Variants in MTMR6 observed in about 807,000 individuals in gnomAD.
MTMR6 encodes myotubularin related protein 6.
A neutral mutation model predicts 80.1 loss-of-function variants in MTMR6; 47 were observed. The observed-to-expected ratio is 0.59, with a 90% CI of 0.46 to 0.75. The LOEUF is 0.75. MTMR6 is among the 30% of genes least tolerant of loss of function. The probability of loss-of-function intolerance (pLI) is 0.00; values close to 1 mark genes in which losing one functional copy is unlikely to be tolerated. For synonymous variants in MTMR6, 254 were observed against 253.0 expected, an observed-to-expected ratio of 1.00 and a Z score of -0.04; for missense variants, 629 against 730.9, an observed-to-expected ratio of 0.86 and a Z score of 1.61.
intron 2 of MTMR6, among the ~76,000 whole-genome samples, chr13:25,268,191 T>C (rs535031061): frequency 1.3e-5 from 2 of 152,296 alleles, no homozygotes; most frequent in Admixed American, 1.3e-4. Flanking sequence ...CATGTTTCTG[T>C]AACCCATCTA....
At chr13:25,256,792 C>G (rs1957217494) in intron 9 of MTMR6, among the ~76,000 whole-genome samples, 1 of 152,032 alleles carries the variant, frequency 6.6e-6, no homozygotes, top group Non-Finnish European at 1.5e-5. Context: ...TTTAAGTACT[C>G]TTATTTGTGC....
intron 3 of MTMR6, 50 bp from the exon 4 acceptor site, chr13:25,266,336 C>T (rs766211628): frequency 4.4e-5 from 63 of 1,438,504 alleles, no homozygotes; most frequent in Non-Finnish European, 5.9e-5. Context: ...AAGACTTATA[C>T]ACTACAAATA....
intron 2 of MTMR6, among the ~76,000 whole-genome samples, chr13:25,273,805 G>A (rs1172969467): frequency 5.3e-5 from 8 of 152,158 alleles, no homozygotes; most frequent in Non-Finnish European, 7.4e-5. Flanking sequence ...GATTACAGGC[G>A]TGAGCCACCG....
chr13:25,253,966 T>G lies in MTMR6; in HGVS notation c.1146-2A>C, dbSNP rs1566035007. On this transcript the variant is annotated splice_acceptor_variant, in intron 10 of 13. Transcript: ENST00000381801. LOFTEE classifies it high-confidence loss of function. ...GGGTCACCATCCAACTGGCCACACC[T>G]AACCCCACAGAAAGTATAAGCTTTT... 1 of 1,614,006 alleles carries G rather than the reference T, an allele frequency of 6.2e-7. No individual in the cohort carries two copies. Among genetic ancestry groups the G allele is most frequent in the South Asian group, 1.1e-5 (1 of 91,068 alleles).
chr13:25,267,483 C>T (rs192554721), intron 3 of MTMR6, among the ~76,000 whole-genome samples: 118 of 152,238 alleles, frequency 7.8e-4, no homozygotes, highest in African/African-American at 2.8e-3. Flanking sequence ...TTAAAAAATA[C>T]ATTGTGCTAC....
rs1957009044 is a variant in MTMR6, at chr13:25,247,744, A to G, written c.*1488T>C. On this transcript the variant is annotated 3_prime_UTR_variant, in exon 14 of 14. Coordinates refer to ENST00000381801, the MANE Select transcript of MTMR6 (RefSeq NM_004685.5). ...GAAAAGCATTGGAAAAATAAACAGG[A>G]TAAGATAAGCTCTCATACAATAAAG... 6.6e-6 allele frequency: 1 copy of G among 152,216 alleles called. No homozygotes were observed. The highest frequency in any genetic ancestry group is 6.5e-5 in the Admixed American group (1 of 15,282). The allele number at this position is 152,216 out of a possible 1,614,324, so 9.4% of individuals were successfully genotyped here.
Position 25,251,636 on chromosome 13 carries a change from T to A in MTMR6, c.1605+13A>T. 1 of 1,463,436 alleles carries A rather than the reference T, an allele frequency of 6.8e-7. No individual in the cohort carries two copies. Among genetic ancestry groups the A allele is most frequent in the Non-Finnish European group, 9.4e-7 (1 of 1,060,052 alleles). 90.7% of individuals were successfully genotyped at this position (1,463,436 alleles called of 1,614,324 possible). A position where few individuals can be genotyped will look rare whatever the true frequency, so the allele number is the denominator to read the frequency against. On this transcript the variant is annotated intron_variant, in intron 13 of 13. Transcript: ENST00000381801. This position sits in a 1 kb window ranked among gnomAD's most constrained non-coding sequence, Gnocchi z 4.1. ...TCACATTCCAAATATATTAGATACT[T>A]CAGAATACTTACAGATTCTAGGTCT...
At chr13:25,253,298 A>G (rs920205986) in intron 11 of MTMR6, among the ~76,000 whole-genome samples, 5 of 152,242 alleles carry the variant, frequency 3.3e-5, no homozygotes, top group African/African-American at 1.2e-4. Flanking sequence ...GCTCCATCCT[A>G]TCTTAAAACA....
chr13:25,287,099 C>A, intron 1 of MTMR6, 125 bp downstream of exon 1: 1 of 1,399,776 alleles, frequency 7.1e-7, no homozygotes, highest in Non-Finnish European at 9.7e-7. Context: ...GACCCTCCCG[C>A]CCCGGGCCGG....
chr13:25,274,314 A>G, intron 1 of MTMR6, 127 bp from the exon 2 acceptor site: 1 of 570,868 alleles, frequency 1.8e-6, no homozygotes, highest in Admixed American at 3.4e-5. Context: ...CTTATTTAAT[A>G]CTTACTGTTA....
intron 1 of MTMR6, among the ~76,000 whole-genome samples, chr13:25,277,498 CAGA>C (rs1957750210): frequency 1.3e-5 from 2 of 152,136 alleles, no homozygotes; most frequent in Admixed American, 1.3e-4. Flanking sequence ...AGGTGAAAAC[CAGA>C]AGGTGTGCCC....
chr13:25,275,870 AGGGAG>A (rs1166091960), intron 1 of MTMR6, among the ~76,000 whole-genome samples: 32 of 33,466 alleles, frequency 9.6e-4, no homozygotes, highest in African/African-American at 2.0e-3. Flanking sequence ...TCAAAAAAGA[AGGGAG>A]GGGAGGGGAG....
chr13:25,274,959 C>CACAT (rs1198791928), intron 1 of MTMR6, among the ~76,000 whole-genome samples: 1 of 130,308 alleles, frequency 7.7e-6, no homozygotes, highest in Non-Finnish European at 1.6e-5. Flanking sequence ...CACACACACA[C>CACAT]ATACACACAC....
In MTMR6 at chr13:25,257,074, C is replaced by A. The variant is rs1286398635; in HGVS notation, c.1095+122G>T. On this transcript the variant is annotated intron_variant, in intron 9 of 13. Coordinates refer to ENST00000381801, the MANE Select transcript of MTMR6 (RefSeq NM_004685.5). ...TTAGCAATATCCCTGGCCACTCCCA[C>A]GGATGCCAGTCTCATCATTTCCTTT... is the stretch of plus-strand genomic sequence containing the variant. The A allele has an allele frequency of 8.3e-6, 9 of 1,089,156 alleles. No individual in the cohort carries two copies. The South Asian group carries it at 1.5e-4, about 19-fold the overall frequency. The allele number at this position is 1,089,156 out of a possible 1,614,324, so 67.5% of individuals were successfully genotyped here.
At position 25,257,308 on chromosome 13, in the gene MTMR6, T is replaced by G. The variant is rs765465503; in HGVS notation, c.983A>C (p.Glu328Ala). Residue 328 changes from glutamate to alanine, a missense_variant, in exon 9 of 14, where the codon GAA becomes GCA. Glu to Ala is a moderately radical substitution (Grantham distance 107, BLOSUM62 -1). Coordinates refer to ENST00000381801, the MANE Select transcript of MTMR6 (RefSeq NM_004685.5). Reference sequence around the variant, plus strand: ...ACAATGCACCAACACACTTGCATTTTCAACTGTTATTGCCTGAAAAGAAAG... The same window carrying G: ...ACAATGCACCAACACACTTGCATTTGCAACTGTTATTGCCTGAAAAGAAAG... ...AIFLAKAITV[E>A]NASVLVHCSD... is the part of the protein sequence containing the mutation. 1.2e-6 allele frequency: 2 copies of G among 1,613,854 alleles called. No homozygotes were observed. The highest frequency in any genetic ancestry group is 2.2e-5 in the South Asian group (2 of 91,030).
rs370303133 is a variant in MTMR6 at position 25,248,101 on chromosome 13, CTTT to C, written c.*1128_*1130del. On this transcript the variant is annotated 3_prime_UTR_variant, in exon 14 of 14. Coordinates refer to ENST00000381801, the MANE Select transcript of MTMR6 (RefSeq NM_004685.5). Reference sequence around the variant, plus strand: ...AAACAGTAACTTTGTACTAGAATCTCTTTTTTTTTCTATATTTAACAAGAAGAA... The same window carrying C: ...AAACAGTAACTTTGTACTAGAATCTCTTTTTTCTATATTTAACAAGAAGAA... The C allele has an allele frequency of 6.6e-6, 1 of 151,334 alleles. No homozygotes were observed. The highest frequency in any genetic ancestry group is 2.4e-5 in the African/African-American group (1 of 41,200). The allele number at this position is 151,334 out of a possible 1,614,324, so 9.4% of individuals were successfully genotyped here. A position where few individuals can be genotyped will look rare whatever the true frequency, so the allele number is the denominator to read the frequency against.
At chr13:25,282,125 G>C (rs575641908) in intron 1 of MTMR6, among the ~76,000 whole-genome samples, 2 of 152,110 alleles carry the variant, frequency 1.3e-5, no homozygotes, top group African/African-American at 4.8e-5. Flanking sequence ...GCCCTCAAAG[G>C]GTTTTTGCCC....
At chr13:25,252,753 C>T (rs1314486175) in intron 11 of MTMR6, among the ~76,000 whole-genome samples, 2 of 152,098 alleles carry the variant, frequency 1.3e-5, no homozygotes, top group Non-Finnish European at 2.9e-5. Context: ...TACCTCTGTG[C>T]TCCAAATTAT....
chr13:25,249,358 A>G lies in MTMR6; in HGVS notation c.1740T>C (p.Asp580=). Residue 580 remains aspartate, a synonymous_variant, in exon 14 of 14, where the codon GAT becomes GAC. Transcript: ENST00000381801. ...TGCTGCCCTCTATAGTTCGAAGAGC[A>G]TCATTTACGGGTAGCAGAGTCTGCT... ...FKEQTLLPVN[D]ALRTIEGSSP... The G allele has an allele frequency of 1.9e-6, 3 of 1,614,178 alleles. No homozygotes were observed. The highest frequency in any genetic ancestry group is 1.7e-5 in the Admixed American group (1 of 60,026).
Sources: allele counts gnomAD v4.1 joint callset (sites outside exome capture counted in the v4.1 genomes callset), GRCh38; gene constraint gnomAD v4.1.1; non-coding constraint Gnocchi (gnomAD v3.1); transcripts MANE v1.5; gene names NCBI Gene and HGNC (gene_info 2026-07-23, HGNC 2026-07-21).